The following SYNE1 variants were observed in gnomAD, a reference collection of about 807,000 sequenced individuals.
SYNE1 encodes spectrin repeat containing nuclear envelope protein 1.
Under a neutral mutation model 1,111.0 loss-of-function variants are expected in SYNE1, and 616 were observed. The observed-to-expected ratio is 0.55, with a 90% CI of 0.52 to 0.59. SYNE1 has a LOEUF of 0.59. Ranked by LOEUF, SYNE1 falls within the 20% of genes least tolerant of loss-of-function variation. The pLI is 0.00. For missense variants in SYNE1, 10,006 were observed against 10,417.0 expected, an observed-to-expected ratio of 0.96 and a Z score of 1.72; for synonymous variants, 3,855 against 3,825.8, an observed-to-expected ratio of 1.01 and a Z score of -0.28.
intron 117 of SYNE1, among the ~76,000 whole-genome samples, chr6:152,222,473 C>T (rs1220988552): frequency 6.6e-6 from 1 of 152,194 alleles, no homozygotes; most frequent in Non-Finnish European, 1.5e-5. Context: ...GAAGGCACAG[C>T]TTTGCCAAGC....
intron 131 of SYNE1, among the ~76,000 whole-genome samples, chr6:152,163,155 G>C (rs1377845927): frequency 6.6e-6 from 1 of 152,168 alleles, no homozygotes; most frequent in African/African-American, 2.4e-5. Flanking sequence ...TCTAGCGGGG[G>C]ATTTACAGTG....
chr6:152,523,399 T>C (rs2099149584), intron 5 of SYNE1, among the ~76,000 whole-genome samples: 1 of 152,186 alleles, frequency 6.6e-6, no homozygotes, highest in Non-Finnish European at 1.5e-5. Context: ...CTCTATTCTG[T>C]TCCATTGGTC....
At chr6:152,504,563 C>T (rs996624299) in intron 9 of SYNE1, among the ~76,000 whole-genome samples, 7 of 152,112 alleles carry the variant, frequency 4.6e-5, no homozygotes, top group African/African-American at 1.7e-4. Flanking sequence ...TCCATAATTG[C>T]CAGCCCAAAT....
At chr6:152,504,578 A>C (rs1410203740) in intron 9 of SYNE1, among the ~76,000 whole-genome samples, 1 of 152,162 alleles carries the variant, frequency 6.6e-6, no homozygotes. Context: ...CCAAATAAGA[A>C]ATTATCTGTG....
At chr6:152,485,140 C>G (rs757846286) in intron 12 of SYNE1, among the ~76,000 whole-genome samples, 168 bp from the exon 13 acceptor site, 2 of 152,156 alleles carry the variant, frequency 1.3e-5, no homozygotes, top group East Asian at 1.9e-4. Context: ...ATTCATCAAG[C>G]CCTGACATAG....
chr6:152,412,000 A>G (rs1050915435), intron 42 of SYNE1, among the ~76,000 whole-genome samples: 13 of 152,322 alleles, frequency 8.5e-5, no homozygotes, highest in Admixed American at 7.8e-4. Flanking sequence ...TACATGCAAA[A>G]ACTTGAATGT....
chr6:152,526,823 G>T (rs193085757), intron 4 of SYNE1, among the ~76,000 whole-genome samples: 1 of 152,154 alleles, frequency 6.6e-6, no homozygotes, highest in Non-Finnish European at 1.5e-5. Flanking sequence ...AGTACAGACC[G>T]ATCAGTGCAA....
intron 128 of SYNE1, among the ~76,000 whole-genome samples, chr6:152,188,967 AAAAAAAAAAAAAAAAAAAT>A (rs1230060723): frequency 2.0e-5 from 1 of 49,994 alleles, no homozygotes; most frequent in African/African-American, 9.8e-5. Flanking sequence ...CAAAAAAAAA[AAAAAAAAAAAAAAAAAAAT>A]ATATATATAT....
At position 152,302,021 on chromosome 6, in the gene SYNE1, A is replaced by T; in HGVS notation, c.17389T>A (p.Ser5797Thr). 4 of 1,614,246 alleles carry T rather than the reference A, an allele frequency of 2.5e-6. No individual in the cohort carries two copies. Among genetic ancestry groups the T allele is most frequent in the Non-Finnish European group, 3.4e-6 (4 of 1,180,040 alleles). ...KIKGYQEQIA[S>T]LNSKCKMLTM... is the part of the protein sequence containing the mutation. ...AGCATCTTGCACTTGGAATTCAAAG[A>T]AGCGATCTGCTCCTGGTAGCCCTTA... Residue 5797 changes from serine to threonine, a missense_variant, in exon 92 of 146, where the codon TCT (serine) becomes ACT (threonine). Ser to Thr is a moderately conservative substitution (Grantham distance 58). Transcript: ENST00000367255.
At chr6:152,564,920 A>G (rs1235357279) in intron 3 of SYNE1, among the ~76,000 whole-genome samples, 1 of 152,206 alleles carries the variant, frequency 6.6e-6, no homozygotes, top group African/African-American at 2.4e-5. Context: ...ATCACTGTAA[A>G]TATTAAGTTA....
In SYNE1 at chr6:152,309,697, C is replaced by T. The variant is rs150255719; in HGVS notation, c.17202+138G>A. 5.5e-4 allele frequency: 624 copies of T among 1,128,756 alleles called. 5 individuals are homozygous for T. In the East Asian group the frequency reaches 0.016, roughly 28 times the overall value. The allele number at this position is 1,128,756 out of a possible 1,614,324, so 69.9% of individuals were successfully genotyped here. A position where few individuals can be genotyped will look rare whatever the true frequency, so the allele number is the denominator to read the frequency against. On this transcript the variant is annotated intron_variant, in intron 90 of 145. Transcript: ENST00000367255. ...ATCCAAATGACAGCATTTTAATCTC[C>T]TTATTTTATAAAACCACAACAGCCT...
chr6:152,339,702 G>A (rs9371587), intron 74 of SYNE1, among the ~76,000 whole-genome samples: 10 of 152,130 alleles, frequency 6.6e-5, no homozygotes, highest in African/African-American at 2.4e-4. Context: ...TGTAGCCTAC[G>A]CTGTCCTGCC....
At chr6:152,552,067 C>A (rs2099348908) in intron 3 of SYNE1, among the ~76,000 whole-genome samples, 1 of 152,130 alleles carries the variant, frequency 6.6e-6, no homozygotes, top group South Asian at 2.1e-4. Flanking sequence ...TTTATTTTAA[C>A]CTGAAACTGT....
chr6:152,206,642 G>A (rs911904836), intron 125 of SYNE1, among the ~76,000 whole-genome samples: 3 of 152,104 alleles, frequency 2.0e-5, no homozygotes, highest in East Asian at 1.9e-4. Flanking sequence ...AGCAGGGGGC[G>A]CACCAAGAGG....
chr6:152,208,042 A>C lies in SYNE1; in HGVS notation c.22754T>G (p.Leu7585Arg). 6.2e-7 allele frequency: 1 copy of C among 1,613,958 alleles called. No homozygotes were observed. The highest frequency in any genetic ancestry group is 8.5e-7 in the Non-Finnish European group (1 of 1,179,960). The stretch of plus-strand genomic sequence containing the variant: ...AACACTTCCGAGACCACTCATGGGG[A>C]GGTAGGACACTTCAACCAACCATTT... ...LRKWLVEVSY[L>R]PMSGLGSVPI... Residue 7585 changes from leucine (L) to arginine (R), a missense_variant, in exon 125 of 146, where the codon CTC (leucine) becomes CGC (arginine). Leu to Arg is a moderately radical substitution (Grantham distance 102). Transcript: ENST00000367255.
chr6:152,436,134 C>A (rs746070413), intron 32 of SYNE1, 33 bp from the exon 33 acceptor site: 1 of 1,609,236 alleles, frequency 6.2e-7, no homozygotes, highest in Admixed American at 1.7e-5. Context: ...TAGGTAGGCA[C>A]TTTATATTAT....
intron 18 of SYNE1, 108 bp from the exon 19 acceptor site, chr6:152,463,625 A>G: frequency 3.1e-6 from 3 of 965,492 alleles, no homozygotes; most frequent in South Asian, 1.4e-5. Flanking sequence ...ATTCATGTGA[A>G]TTTTAAGATA....
chr6:152,160,147 C>T (rs1280018915), intron 131 of SYNE1, among the ~76,000 whole-genome samples: 3 of 152,098 alleles, frequency 2.0e-5, no homozygotes, highest in African/African-American at 7.2e-5. Context: ...GCTGGGATTA[C>T]AGGCAAGCAC....
In SYNE1 at chr6:152,362,266, G is replaced by T; in HGVS notation, c.10203C>A (p.Phe3401Leu). 1 of 1,614,206 alleles carries T rather than the reference G, an allele frequency of 6.2e-7. No individual in the cohort carries two copies. Among genetic ancestry groups the T allele is most frequent in the Non-Finnish European group, 8.5e-7 (1 of 1,180,044 alleles). ...WTSYQDGVRQ[F>L]SGWMDSMEAN... ...CTTCCATACTATCCATCCAACCGGA[G>T]AACTGTCGAACGCCATCCTGATAAC... Residue 3401 changes from phenylalanine to leucine, a missense_variant, in exon 64 of 146, where the codon TTC becomes TTA. Phe to Leu is a conservative substitution (Grantham distance 22). Coordinates refer to ENST00000367255, the MANE Select transcript of SYNE1 (RefSeq NM_182961.4).
Sources: gnomAD v4.1 joint callset for allele counts (sites outside exome capture counted in the v4.1 genomes callset) on GRCh38, gnomAD v4.1.1 for gene constraint, MANE v1.5 for transcripts, NCBI Gene and HGNC (gene_info 2026-07-23, HGNC 2026-07-21) for gene names.